The following ST7 variants were observed in gnomAD, a reference collection of about 807,000 sequenced individuals.
ST7 encodes the protein suppression of tumorigenicity 7, also known as suppressor of tumorigenicity 7 protein.
ST7 carries 28 observed loss-of-function variants against 78.7 expected under a neutral mutation model. The ratio of observed to expected loss-of-function variants is 0.36; its 90% CI spans 0.26 to 0.49. The LOEUF is 0.49. Ranked by LOEUF, ST7 falls within the 20% of genes least tolerant of loss-of-function variation. The probability of loss-of-function intolerance (pLI) is 0.99; values close to 1 mark genes in which losing one functional copy is unlikely to be tolerated. For synonymous variants in ST7, 247 were observed against 249.6 expected, an observed-to-expected ratio of 0.99 and a Z score of 0.10; for missense variants, 418 against 696.0, an observed-to-expected ratio of 0.60 and a Z score of 4.49.
chr7:117,096,067 CAAAAAAAAAAAAAAAAAA>C (rs35970973), intron 1 of ST7, among the ~76,000 whole-genome samples: 10 of 35,676 alleles, frequency 2.8e-4, no homozygotes, highest in African/African-American at 7.0e-4. Context: ...GATTCTGCCT[CAAAAAAAAAAAAAAAAAA>C]AAAAAAAAAA....
At chr7:116,973,761 T>C (rs1461639358) in intron 1 of ST7, among the ~76,000 whole-genome samples, 2 of 152,240 alleles carry the variant, frequency 1.3e-5, no homozygotes, top group African/African-American at 4.8e-5. Context: ...CTGCAACTTG[T>C]TTCTATTATC....
At chr7:117,066,653 C>T (rs142170140) in intron 1 of ST7, among the ~76,000 whole-genome samples, 1,885 of 149,662 alleles carry the variant, frequency 0.013, 28 homozygotes, top group Non-Finnish European at 0.021. Flanking sequence ...CCCAGCTACT[C>T]GGGAGGCTGA....
At chr7:117,100,305 C>T (rs867357559) in intron 2 of ST7, among the ~76,000 whole-genome samples, 53 of 152,042 alleles carry the variant, frequency 3.5e-4, no homozygotes, top group African/African-American at 1.2e-3. Flanking sequence ...AACCCCATCT[C>T]TACTAAAAAT....
At chr7:117,132,440 A>G (rs1286745964) in intron 6 of ST7, among the ~76,000 whole-genome samples, 1 of 151,864 alleles carries the variant, frequency 6.6e-6, no homozygotes, top group Non-Finnish European at 1.5e-5. Context: ...GTTGTTAAAC[A>G]TTCTGTGGGT....
At chr7:117,096,368 C>T (rs750519774) in intron 1 of ST7, among the ~76,000 whole-genome samples, 31 of 152,168 alleles carry the variant, frequency 2.0e-4, no homozygotes, top group Admixed American at 2.0e-4. Flanking sequence ...ACAGAAATGA[C>T]AAGCTCACAG....
In ST7 at chr7:116,994,909, C is replaced by CT. The variant is rs756371070; in HGVS notation, c.151+41226dup. 1.8e-4 allele frequency among the ~76,000 whole-genome samples: 27 copies of CT among 152,046 alleles called. 1 individual carries two copies. Among genetic ancestry groups the CT allele is most frequent in the East Asian group, 7.7e-4 (4 of 5,172 alleles). On this transcript the variant is annotated intron_variant, in intron 1 of 15. Coordinates refer to ENST00000323984, the MANE Select transcript of ST7 (RefSeq NM_001369598.1). ...CGCTCTTTCATACTTACTTTTCACT[C>CT]TTTTTTTTACCGTTTCCTTCTTTCC...
At chr7:117,196,797 C>G (rs1029687992) in intron 12 of ST7, among the ~76,000 whole-genome samples, 2 of 151,914 alleles carry the variant, frequency 1.3e-5, no homozygotes, top group Non-Finnish European at 2.9e-5. Flanking sequence ...TTCAGTTTGA[C>G]GTAGTCCCAC....
chr7:116,987,973 T>G (rs934767847), intron 1 of ST7, among the ~76,000 whole-genome samples: 2 of 152,218 alleles, frequency 1.3e-5, no homozygotes, highest in African/African-American at 4.8e-5. Context: ...GTAGTCCACC[T>G]GCATTGGCCT....
intron 12 of ST7, among the ~76,000 whole-genome samples, chr7:117,209,034 T>C (rs1792057259): frequency 6.6e-6 from 1 of 152,052 alleles, no homozygotes; most frequent in Non-Finnish European, 1.5e-5. Flanking sequence ...TTGCTCCCTA[T>C]CTATCCTATA....
At chr7:117,224,280 C>G (rs1296690960) in intron 15 of ST7, among the ~76,000 whole-genome samples, 1 of 152,182 alleles carries the variant, frequency 6.6e-6, no homozygotes, top group African/African-American at 2.4e-5. Flanking sequence ...ATGGCCACCT[C>G]TAACCAACTA....
At chr7:117,106,124 G>A (rs965131823) in intron 2 of ST7, among the ~76,000 whole-genome samples, 8 of 151,850 alleles carry the variant, frequency 5.3e-5, no homozygotes, top group African/African-American at 1.5e-4. Context: ...TCAGCCTCCC[G>A]AGTAGCTGGG....
intron 2 of ST7, 34 bp from the exon 3 acceptor site, chr7:117,119,527 A>G: frequency 6.3e-7 from 1 of 1,594,008 alleles, no homozygotes; most frequent in South Asian, 1.1e-5. Context: ...AAATGATAAC[A>G]GTGACCATAA....
intron 6 of ST7, 141 bp downstream of exon 6, chr7:117,132,101 G>T: frequency 1.2e-5 from 9 of 726,154 alleles, no homozygotes; most frequent in East Asian, 3.1e-5. Context: ...ATTTAAAAAA[G>T]TTTTTTTTTT....
At chr7:116,956,447 G>T (rs1335727633) in intron 1 of ST7, 1 of 470,896 alleles carries the variant, frequency 2.1e-6, no homozygotes, top group African/African-American at 2.0e-5. Context: ...CTCTTCCTGT[G>T]ATGAAGGCAA....
intron 12 of ST7, among the ~76,000 whole-genome samples, chr7:117,206,185 G>A (rs143998310): frequency 1.7e-3 from 266 of 152,208 alleles, no homozygotes; most frequent in African/African-American, 6.0e-3. Context: ...AGTCATAGCC[G>A]ATTTCTGCCA....
At chr7:117,189,968 T>C (rs1352049599) in intron 11 of ST7, among the ~76,000 whole-genome samples, 1 of 152,230 alleles carries the variant, frequency 6.6e-6, no homozygotes, top group Non-Finnish European at 1.5e-5. Context: ...ATGGCTTAAC[T>C]GCTTTTGAGT....
At chr7:117,158,608 T>C (rs1012540412) in intron 9 of ST7, among the ~76,000 whole-genome samples, 1 of 152,216 alleles carries the variant, frequency 6.6e-6, no homozygotes, top group Admixed American at 6.5e-5. Context: ...TTTCAATGGA[T>C]GCAGCTTAAT....
chr7:117,123,807 C>T (rs950647121), intron 3 of ST7, among the ~76,000 whole-genome samples: 8 of 152,078 alleles, frequency 5.3e-5, no homozygotes, highest in African/African-American at 1.9e-4. Flanking sequence ...GCAGTGTTTA[C>T]CTTCTTCAGG....
chr7:117,229,917 T>G lies in ST7; in HGVS notation c.*60T>G. 1 of 1,401,858 alleles carries G rather than the reference T, an allele frequency of 7.1e-7. No individual in the cohort carries two copies. The highest frequency in any genetic ancestry group is 1.0e-6 in the Non-Finnish European group (1 of 986,300). 86.8% of individuals were successfully genotyped at this position (1,401,858 alleles called of 1,614,324 possible). On this transcript the variant is annotated 3_prime_UTR_variant, in exon 16 of 16. Coordinates refer to ENST00000323984, the MANE Select transcript of ST7 (RefSeq NM_001369598.1). ...CTGCCACCATCTCCTCTGTGCCAACTCCTTGTGGACCGCAAGAAAGCATGA... is the reference window on the plus strand; with the variant it reads ...CTGCCACCATCTCCTCTGTGCCAACGCCTTGTGGACCGCAAGAAAGCATGA...
Sources: allele counts gnomAD v4.1 joint callset (sites outside exome capture counted in the v4.1 genomes callset), GRCh38; gene constraint gnomAD v4.1.1; transcripts MANE v1.5; gene names NCBI Gene and HGNC (gene_info 2026-07-23, HGNC 2026-07-21).